Variants in XPO4 observed in about 807,000 individuals in gnomAD.
XPO4 encodes the protein exportin 4.
XPO4 carries 39 observed loss-of-function variants against 143.0 expected under a neutral mutation model. The observed-to-expected ratio is 0.27, with a 90% CI of 0.21 to 0.36. XPO4 has a LOEUF of 0.36. Among genes scored for constraint, XPO4 ranks in the 10% least tolerant of loss-of-function variants. The probability of loss-of-function intolerance (pLI) is 1.00; values close to 1 mark genes in which losing one functional copy is unlikely to be tolerated. For missense variants in XPO4, 907 were observed against 1,348.0 expected, an observed-to-expected ratio of 0.67 and a Z score of 5.12; for synonymous variants, 439 against 474.0, an observed-to-expected ratio of 0.93 and a Z score of 0.96.
intron 22 of XPO4, among the ~76,000 whole-genome samples, chr13:20,784,670 T>C (rs1446601269): frequency 6.6e-6 from 1 of 152,220 alleles, no homozygotes; most frequent in Non-Finnish European, 1.5e-5. Flanking sequence ...TGGCCAAGCA[T>C]AGTGGCTCAG....
intron 6 of XPO4, among the ~76,000 whole-genome samples, chr13:20,830,759 AC>A (rs2059843043): frequency 6.6e-6 from 1 of 152,178 alleles, no homozygotes; most frequent in Admixed American, 6.6e-5. Context: ...TAGTTATCAG[AC>A]TGTACCATGA....
At chr13:20,814,175 C>T (rs1011119587) in intron 9 of XPO4, among the ~76,000 whole-genome samples, 2 of 141,454 alleles carry the variant, frequency 1.4e-5, no homozygotes, top group African/African-American at 5.3e-5. Flanking sequence ...ATAGCATCCT[C>T]TGACTCACCC....
chr13:20,843,953 G>T, intron 4 of XPO4, 67 bp from the exon 5 acceptor site: 1 of 1,203,568 alleles, frequency 8.3e-7, no homozygotes. Context: ...CAATGCATTT[G>T]TTCAAACATA....
intron 1 of XPO4, among the ~76,000 whole-genome samples, chr13:20,891,271 G>T (rs2060513717): frequency 6.6e-6 from 1 of 151,974 alleles, no homozygotes; most frequent in South Asian, 2.1e-4. Context: ...CTACCACATT[G>T]GAGAGAGCAG....
At chr13:20,879,715 A>G (rs562996361) in intron 1 of XPO4, among the ~76,000 whole-genome samples, 2 of 152,302 alleles carry the variant, frequency 1.3e-5, no homozygotes, top group South Asian at 4.1e-4. Flanking sequence ...TGTAAAAAGG[A>G]GACTTCACCA....
chr13:20,800,757 C>T, intron 14 of XPO4, 74 bp downstream of exon 14: 1 of 1,546,850 alleles, frequency 6.5e-7, no homozygotes, highest in Non-Finnish European at 8.7e-7. Flanking sequence ...GAAAAACCAC[C>T]AAGAAAAATG....
At chr13:20,893,847 T>C (rs549685447) in intron 1 of XPO4, among the ~76,000 whole-genome samples, 72 of 152,054 alleles carry the variant, frequency 4.7e-4, no homozygotes, top group African/African-American at 1.6e-3. Flanking sequence ...CAGTTTTTTG[T>C]TTTGTTTTGT....
At chr13:20,822,543 T>C (rs941752544) in intron 7 of XPO4, among the ~76,000 whole-genome samples, 1 of 152,258 alleles carries the variant, frequency 6.6e-6, no homozygotes, top group Non-Finnish European at 1.5e-5. Flanking sequence ...CAGCATGTTA[T>C]GACAAAGAGA....
chr13:20,812,375 T>C, intron 9 of XPO4, among the ~76,000 whole-genome samples: 1 of 152,114 alleles, frequency 6.6e-6, no homozygotes, highest in South Asian at 2.1e-4. Flanking sequence ...ATTCAATAAA[T>C]GTTGCAGAAA....
At chr13:20,871,903 T>C (rs538835151) in intron 1 of XPO4, among the ~76,000 whole-genome samples, 6 of 152,192 alleles carry the variant, frequency 3.9e-5, no homozygotes, top group Non-Finnish European at 8.8e-5. Context: ...AGTTGATTTA[T>C]ATTAACCACC....
intron 9 of XPO4, among the ~76,000 whole-genome samples, chr13:20,821,468 T>A (rs144656271): frequency 5.4e-4 from 83 of 152,298 alleles, no homozygotes; most frequent in Non-Finnish European, 1.1e-3. Flanking sequence ...ATTTGGGTAC[T>A]AAATTATCTC....
At position 20,852,751 on chromosome 13, in the gene XPO4, G is replaced by A. The variant is rs1021516128; in HGVS notation, c.456+2876C>T. ...ATACATATATTAAAAAAGACTAGAAGAAAACCTGAACAAATGAAAATTGCT... is the reference window on the plus strand; with the variant it reads ...ATACATATATTAAAAAAGACTAGAAAAAAACCTGAACAAATGAAAATTGCT... On this transcript the variant is annotated intron_variant, in intron 4 of 22. Transcript: ENST00000255305. 3.0e-6 allele frequency: 3 copies of A among 983,808 alleles called. No homozygotes were observed. In the African/African-American group the frequency reaches 5.2e-5, roughly 17 times the overall value. The allele number at this position is 983,808 out of a possible 1,614,324, so 60.9% of individuals were successfully genotyped here.
intron 20 of XPO4, among the ~76,000 whole-genome samples, 190 bp downstream of exon 20, chr13:20,788,296 A>T (rs61956476): frequency 6.6e-6 from 1 of 152,092 alleles, no homozygotes; most frequent in Admixed American, 6.5e-5. Context: ...ACCTCAGGTG[A>T]TCCACCCGCC....
At chr13:20,874,718 G>A (rs1448626566) in intron 1 of XPO4, among the ~76,000 whole-genome samples, 6 of 152,208 alleles carry the variant, frequency 3.9e-5, no homozygotes, top group Admixed American at 1.3e-4. Flanking sequence ...TCTTGGCTGG[G>A]TGCGGTGGCT....
At chr13:20,793,174 C>A (rs1205344287) in intron 18 of XPO4, among the ~76,000 whole-genome samples, 1 of 152,142 alleles carries the variant, frequency 6.6e-6, no homozygotes, top group Non-Finnish European at 1.5e-5. Context: ...CAGCTATTAT[C>A]TTTATTTTTA....
intron 22 of XPO4, among the ~76,000 whole-genome samples, chr13:20,784,215 A>T (rs1595045093): frequency 6.6e-6 from 1 of 152,176 alleles, no homozygotes; most frequent in African/African-American, 2.4e-5. Flanking sequence ...GAGTCCACCA[A>T]TCTAGCCCCA....
intron 9 of XPO4, among the ~76,000 whole-genome samples, chr13:20,813,085 T>A (rs1595083827): frequency 6.6e-6 from 1 of 152,128 alleles, no homozygotes; most frequent in East Asian, 1.9e-4. Flanking sequence ...GAAGCAAGCA[T>A]GTCTTAGCAT....
At chr13:20,786,476 C>G (rs1204559025) in intron 22 of XPO4, among the ~76,000 whole-genome samples, 1 of 152,074 alleles carries the variant, frequency 6.6e-6, no homozygotes, top group Non-Finnish European at 1.5e-5. Flanking sequence ...TAGCCTAACT[C>G]TTCTATTAAC....
intron 6 of XPO4, among the ~76,000 whole-genome samples, chr13:20,836,763 T>C (rs74036457): frequency 0.021 from 3,141 of 152,332 alleles, 85 homozygotes; most frequent in Middle Eastern, 0.075. Flanking sequence ...ACGACCATGA[T>C]CTAATCTGAG....
Sources: allele counts gnomAD v4.1 joint callset (sites outside exome capture counted in the v4.1 genomes callset), GRCh38; gene constraint gnomAD v4.1.1; transcripts MANE v1.5; gene names NCBI Gene and HGNC (gene_info 2026-07-23, HGNC 2026-07-21).